Variants in PDZD7 observed in about 807,000 individuals in gnomAD.
PDZD7 encodes the protein PDZ domain containing 7, also known as PDZ domain-containing protein 7.
PDZD7 carries 72 observed loss-of-function variants against 84.7 expected under a neutral mutation model. The observed-to-expected ratio is 0.85, with a 90% CI of 0.70 to 1.03. The LOEUF (loss-of-function observed/expected upper bound fraction) is 1.03, where lower values mean the gene tolerates loss of function less well. Ranked by LOEUF, PDZD7 falls within the 50% of genes least tolerant of loss-of-function variation. The probability of loss-of-function intolerance (pLI) is 0.00; values close to 1 mark genes in which losing one functional copy is unlikely to be tolerated. For missense variants in PDZD7, 1,490 were observed against 1,412.9 expected, an observed-to-expected ratio of 1.05 and a Z score of -0.87; for synonymous variants, 594 against 580.7, an observed-to-expected ratio of 1.02 and a Z score of -0.33.
chr10:101,017,881 A>AAGAAAGAAAGAAAGAAAGAAAG (rs1852766242), intron 9 of PDZD7: 1 of 242,646 alleles, frequency 4.1e-6, no homozygotes, highest in East Asian at 4.0e-5. Context: ...GAAAGAAAGA[A>AAGAAAGAAAGAAAGAAAGAAAG]AGAAAGAAAG....
chr10:101,010,203 C>A, intron 15 of PDZD7, 69 bp downstream of exon 15: 1 of 1,456,972 alleles, frequency 6.9e-7, no homozygotes, highest in Non-Finnish European at 9.1e-7. Context: ...CCCAATACTC[C>A]TCCAGATTCT....
chr10:101,014,032 T>G (rs1331501290), intron 11 of PDZD7, among the ~76,000 whole-genome samples: 1 of 135,888 alleles, frequency 7.4e-6, no homozygotes, highest in Non-Finnish European at 1.6e-5. Flanking sequence ...TTTTTTTTTG[T>G]ATTTTTAGTA....
At position 101,010,506 on chromosome 10, in the gene PDZD7, G is replaced by A. The variant is rs1399188523; in HGVS notation, c.2383C>T (p.Arg795Cys). The change falls in exon 15 of 17, where the codon CGC becomes TGC. Residue 795 changes from arginine (R) to cysteine (C), a missense_variant. Transcript: ENST00000619208. ...GGGGTAGGCACCGGGGATGGGGAGC[G>A]TCTACCTGGAGACTTGCCTTGACCC... is the stretch of plus-strand genomic sequence containing the variant. ...SRGQGKSPGR[R>C]SPSPVPTPAP... The A allele has an allele frequency of 7.2e-6, 11 of 1,533,800 alleles. No individual in the cohort carries two copies. Among genetic ancestry groups the A allele is most frequent in the Admixed American group, 2.0e-5 (1 of 50,898 alleles).
At chr10:101,023,070 CTTTTTTTT>C (rs1161602421) in intron 4 of PDZD7, 68 of 127,886 alleles carry the variant, frequency 5.3e-4, no homozygotes, top group Middle Eastern at 3.8e-3. Context: ...CCATGCCCGG[CTTTTTTTT>C]TTTTTTTTTT....
chr10:101,014,904 T>C (rs1239160424), intron 11 of PDZD7, among the ~76,000 whole-genome samples: 2 of 152,134 alleles, frequency 1.3e-5, no homozygotes, highest in African/African-American at 4.8e-5. Flanking sequence ...GTGTGCAGAC[T>C]CCTCACAAAG....
intron 4 of PDZD7, 132 bp from the exon 5 acceptor site, chr10:101,022,517 T>C: frequency 2.0e-6 from 2 of 986,338 alleles, no homozygotes; most frequent in Non-Finnish European, 3.1e-6. Context: ...AGACCTGCAG[T>C]GGGGCATAGG....
chr10:101,020,566 C>T (rs1410556340), intron 7 of PDZD7, 52 bp downstream of exon 7: 1 of 1,548,456 alleles, frequency 6.5e-7, no homozygotes, highest in South Asian at 1.1e-5. Context: ...CCGGGCCCCA[C>T]CCTAAGGCCT....
chr10:101,019,881 C>T (rs1008791576), intron 7 of PDZD7, among the ~76,000 whole-genome samples: 6 of 150,738 alleles, frequency 4.0e-5, no homozygotes, highest in African/African-American at 1.5e-4. Flanking sequence ...CCACCTCAGC[C>T]TCCCAAAGTT....
chr10:101,008,213 C>A lies in PDZD7; in HGVS notation c.*254G>T. On this transcript the variant is annotated 3_prime_UTR_variant, in exon 17 of 17. Transcript: ENST00000619208. ...AGACCTTGGCTTTCTCACCCCCTAT[C>A]CTGGCTTGGGAGGTTGGGGAGCAGT... 2.0e-6 allele frequency: 1 copy of A among 512,724 alleles called. No homozygotes were observed. Among genetic ancestry groups the A allele is most frequent in the Non-Finnish European group, 3.4e-6 (1 of 293,114 alleles). 31.8% of individuals were successfully genotyped at this position (512,724 alleles called of 1,614,324 possible).
At chr10:101,018,678 G>T in intron 8 of PDZD7, 144 bp downstream of exon 8, 1 of 1,087,970 alleles carries the variant, frequency 9.2e-7, no homozygotes, top group Non-Finnish European at 1.3e-6. Context: ...GCCCACAGCA[G>T]GGTCTGAGCA....
chr10:101,029,937 A>C, intron 2 of PDZD7, 57 bp downstream of exon 2: 1 of 1,539,948 alleles, frequency 6.5e-7, no homozygotes, highest in Non-Finnish European at 8.9e-7. Context: ...CTGAGTTCCC[A>C]TTGTCCCCTA....
chr10:101,024,685 G>A (rs921347723), intron 2 of PDZD7, among the ~76,000 whole-genome samples: 7 of 151,102 alleles, frequency 4.6e-5, no homozygotes. Context: ...GAAGGCTGAG[G>A]CAGGAGCCCA....
chr10:101,031,108 C>A lies in PDZD7; in HGVS notation c.-201G>T, dbSNP rs1197810695. 1 of 152,336 alleles carries A rather than the reference C, an allele frequency of 6.6e-6. No homozygotes were observed. Among genetic ancestry groups the A allele is most frequent in the Non-Finnish European group, 1.5e-5 (1 of 68,126 alleles). The allele number at this position is 152,336 out of a possible 1,614,324, so 9.4% of individuals were successfully genotyped here. On this transcript the variant is annotated 5_prime_UTR_variant, in exon 1 of 17. Coordinates refer to ENST00000619208, the MANE Select transcript of PDZD7 (RefSeq NM_001195263.2). ...GTGTGGCGCCGCCAGCCTTGTCAAACCACCCGCAGGCGAGAGCTACTGCCG... is the reference window on the plus strand; with the variant it reads ...GTGTGGCGCCGCCAGCCTTGTCAAAACACCCGCAGGCGAGAGCTACTGCCG...
chr10:101,009,767 C>T (rs996909463), intron 15 of PDZD7, among the ~76,000 whole-genome samples: 3 of 151,954 alleles, frequency 2.0e-5, no homozygotes, highest in Non-Finnish European at 4.4e-5. Context: ...GCCAACATGT[C>T]AGGCTAATTC....
Position 101,011,578 on chromosome 10 carries a change from G to A in PDZD7, c.2005+112C>T, listed in dbSNP as rs1852393519. 9 of 1,476,830 alleles carry A rather than the reference G, an allele frequency of 6.1e-6. No individual in the cohort carries two copies. In the South Asian group the frequency reaches 1.1e-4, roughly 18 times the overall value. 91.5% of individuals were successfully genotyped at this position (1,476,830 alleles called of 1,614,324 possible). On this transcript the variant is annotated intron_variant, in intron 14 of 16. Transcript: ENST00000619208. ...GAGCTTTCCTTCAGGGAACCACAAT[G>A]TGCCTGGAAGCCACAACTGCCCCTA...
intron 9 of PDZD7, among the ~76,000 whole-genome samples, chr10:101,017,047 C>T (rs1407439281): frequency 2.6e-5 from 4 of 152,174 alleles, no homozygotes; most frequent in African/African-American, 9.7e-5. Context: ...ACCCACCCCA[C>T]TCTGTTCTTA....
intron 11 of PDZD7, among the ~76,000 whole-genome samples, chr10:101,013,639 T>G (rs571261049): frequency 1.3e-5 from 2 of 152,332 alleles, no homozygotes; most frequent in East Asian, 1.9e-4. Flanking sequence ...AGGCTGTGAC[T>G]ATATGAGTAG....
rs753034799 is a variant in PDZD7, at chr10:101,022,246, C to A, written c.682G>T (p.Gly228Trp). 1.2e-6 allele frequency: 2 copies of A among 1,614,126 alleles called. No individual in the cohort carries two copies. The highest frequency in any genetic ancestry group is 2.7e-5 in the African/African-American group (2 of 74,946). Residue 228 changes from glycine to tryptophan, a missense_variant, in exon 5 of 17, where the codon GGG (glycine) becomes TGG (tryptophan). Gly to Trp is a radical substitution (Grantham distance 184, BLOSUM62 -2). Transcript: ENST00000619208. ...DDFCLGFNIR[G>W]GKEFGLGIYV... ...ATGCCCAGGCCAAACTCCTTGCCCC[C>A]ACGGATGTTGAAGCCCAGGCAGAAG...
rs1326393201 is a variant in PDZD7 at position 101,023,556 on chromosome 10, A to T, written c.422T>A (p.Leu141Gln). 6.2e-7 allele frequency: 1 copy of T among 1,613,864 alleles called. No individual in the cohort carries two copies. Among genetic ancestry groups the T allele is most frequent in the African/African-American group, 1.3e-5 (1 of 74,902 alleles). ...GGCGCTACCCATGGTGGTGCTCTCC[A>T]GGCTCAGCCCATTCACCTCCGTGAT... ...DKITEVNGLS[L>Q]ESTTMGSAVK... Residue 141 changes from leucine to glutamine, a missense_variant, in exon 4 of 17, where the codon CTG becomes CAG. Coordinates refer to ENST00000619208, the MANE Select transcript of PDZD7 (RefSeq NM_001195263.2).
Sources: allele counts gnomAD v4.1 joint callset (sites outside exome capture counted in the v4.1 genomes callset), GRCh38; gene constraint gnomAD v4.1.1; transcripts MANE v1.5; gene names NCBI Gene and HGNC (gene_info 2026-07-23, HGNC 2026-07-21).